ITGBL1: variants seen among roughly 807,000 people sequenced by gnomAD.
ITGBL1 encodes integrin subunit beta like 1.
In ITGBL1, 51 loss-of-function variants were observed where a neutral mutation model predicts 68.5. That is an observed-to-expected ratio of 0.74 (90% CI 0.59 to 0.94). The LOEUF is 0.94. Ranked by LOEUF, ITGBL1 falls within the 40% of genes least tolerant of loss-of-function variation. The probability of loss-of-function intolerance (pLI) is 0.00; values close to 1 mark genes in which losing one functional copy is unlikely to be tolerated. For synonymous variants in ITGBL1, 209 were observed against 227.3 expected (o/e 0.92, Z 0.72); for missense variants, 649 against 647.4 (o/e 1.00, Z -0.03).
intron 6 of ITGBL1, among the ~76,000 whole-genome samples, chr13:101,586,879 A>G (rs1327610952): frequency 3.9e-5 from 6 of 152,138 alleles, no homozygotes; most frequent in African/African-American, 1.4e-4. Context: ...AATTTTTCCT[A>G]ATTAACAGTC....
Position 101,644,004 on chromosome 13 carries a change from G to T in ITGBL1, c.1015+45705G>T, listed in dbSNP as rs189866248. ...CTTAGAGCCAACATCCAGATTTCTG[G>T]AAACTCTTTGAAAAGTGGAAGATCC... On this transcript the variant is annotated intron_variant, in intron 7 of 10. Coordinates refer to ENST00000376180, the MANE Select transcript of ITGBL1 (RefSeq NM_004791.3). Among the ~76,000 whole-genome samples the T allele has an allele frequency of 2.8e-3, 419 of 152,208 alleles. 1 individual carries two copies. Among genetic ancestry groups the T allele is most frequent in the Non-Finnish European group, 3.7e-3 (250 of 68,006 alleles).
chr13:101,589,983 G>A (rs1250799017), intron 6 of ITGBL1, among the ~76,000 whole-genome samples: 1 of 152,168 alleles, frequency 6.6e-6, no homozygotes, highest in Non-Finnish European at 1.5e-5. Flanking sequence ...ATAGAATTAT[G>A]TTAGGGGAAA....
At chr13:101,641,971 A>G (rs910088287) in intron 7 of ITGBL1, among the ~76,000 whole-genome samples, 18 of 152,076 alleles carry the variant, frequency 1.2e-4, no homozygotes, top group Non-Finnish European at 2.2e-4. Context: ...ATTGTTGGAC[A>G]TTTGGGTTGG....
At chr13:101,534,565 G>A (rs533302373) in intron 2 of ITGBL1, among the ~76,000 whole-genome samples, 1 of 152,132 alleles carries the variant, frequency 6.6e-6, no homozygotes, top group South Asian at 2.1e-4. Context: ...CAGTGCAGAG[G>A]TTGGACAGTC....
intron 2 of ITGBL1, among the ~76,000 whole-genome samples, chr13:101,473,346 G>T (rs1346784958): frequency 1.3e-5 from 2 of 152,202 alleles, no homozygotes; most frequent in African/African-American, 4.8e-5. Context: ...CTGTGCTGTT[G>T]AGGGAGAGGG....
At chr13:101,587,761 A>G (rs1483779261) in intron 6 of ITGBL1, among the ~76,000 whole-genome samples, 1 of 152,244 alleles carries the variant, frequency 6.6e-6, no homozygotes, top group Non-Finnish European at 1.5e-5. Context: ...TTGTCAAAGC[A>G]TTAAGAAAGA....
chr13:101,662,362 C>A (rs950564653), intron 7 of ITGBL1, among the ~76,000 whole-genome samples: 1 of 152,106 alleles, frequency 6.6e-6, no homozygotes, highest in African/African-American at 2.4e-5. Context: ...ATGAGTGAGA[C>A]ATAAGCACAG....
chr13:101,494,313 GT>G, intron 2 of ITGBL1, among the ~76,000 whole-genome samples: 1 of 152,306 alleles, frequency 6.6e-6, no homozygotes, highest in Non-Finnish European at 1.5e-5. Flanking sequence ...CAGCACTGAA[GT>G]TTTGGTGACC....
intron 6 of ITGBL1, among the ~76,000 whole-genome samples, chr13:101,590,745 C>T (rs1326706925): frequency 2.0e-5 from 3 of 152,138 alleles, no homozygotes; most frequent in Non-Finnish European, 2.9e-5. Flanking sequence ...AATTTCAAAG[C>T]CATTGGCTCC....
intron 3 of ITGBL1, among the ~76,000 whole-genome samples, chr13:101,571,737 A>C (rs773701984): frequency 6.6e-6 from 1 of 152,030 alleles, no homozygotes; most frequent in Non-Finnish European, 1.5e-5. Flanking sequence ...TTCCTGTGCA[A>C]ATGGTTGTGC....
At chr13:101,553,214 T>C (rs1482057687) in intron 2 of ITGBL1, among the ~76,000 whole-genome samples, 1 of 152,186 alleles carries the variant, frequency 6.6e-6, no homozygotes, top group Non-Finnish European at 1.5e-5. Context: ...CTACTGCCTT[T>C]AGACACATGT....
At chr13:101,673,505 T>G (rs2033427274) in intron 7 of ITGBL1, among the ~76,000 whole-genome samples, 1 of 152,160 alleles carries the variant, frequency 6.6e-6, no homozygotes, top group Admixed American at 6.5e-5. Flanking sequence ...ATAAACCCCT[T>G]TGGGCAAGTT....
chr13:101,663,882 A>G (rs949946281), intron 7 of ITGBL1, among the ~76,000 whole-genome samples: 5 of 152,190 alleles, frequency 3.3e-5, no homozygotes, highest in Admixed American at 6.5e-5. Context: ...CTTGAACTAC[A>G]TTAATGTTCA....
Position 101,666,091 on chromosome 13 carries a change from C to A in ITGBL1, c.1016-26494C>A, listed in dbSNP as rs2033209693. Reference sequence around the variant, plus strand: ...TGCTATGTTATTCCATGCTGTACTGCCCACTGCCAGATAAACTTATTATCT... The same window carrying A: ...TGCTATGTTATTCCATGCTGTACTGACCACTGCCAGATAAACTTATTATCT... On this transcript the variant is annotated intron_variant, in intron 7 of 10. Coordinates refer to ENST00000376180, the MANE Select transcript of ITGBL1 (RefSeq NM_004791.3). Among the ~76,000 whole-genome samples, 2 of 152,108 alleles carry A rather than the reference C, an allele frequency of 1.3e-5. 1 individual carries two copies. Among genetic ancestry groups the A allele is most frequent in the South Asian group, 4.1e-4 (2 of 4,826 alleles).
At chr13:101,620,507 C>T (rs998453310) in intron 7 of ITGBL1, among the ~76,000 whole-genome samples, 20 of 152,100 alleles carry the variant, frequency 1.3e-4, no homozygotes, top group African/African-American at 4.3e-4. Context: ...TTTGATCTCT[C>T]GTCTTAAATT....
chr13:101,626,756 A>G (rs2031792649), intron 7 of ITGBL1, among the ~76,000 whole-genome samples: 1 of 152,226 alleles, frequency 6.6e-6, no homozygotes, highest in Non-Finnish European at 1.5e-5. Context: ...TAATGTGCCA[A>G]TTCTCAGACA....
At chr13:101,661,168 A>C (rs2033079095) in intron 7 of ITGBL1, among the ~76,000 whole-genome samples, 1 of 151,930 alleles carries the variant, frequency 6.6e-6, no homozygotes, top group Admixed American at 6.6e-5. Flanking sequence ...GACAATATCC[A>C]GTCTAAAGTA....
In ITGBL1 at chr13:101,605,701, C is replaced by T. The variant is rs115217951; in HGVS notation, c.1015+7402C>T. ...GTTTATGCGTATACACGTATGTAGA[C>T]TTATGTATGTGCGTATATGCGTGTA... is the stretch of plus-strand genomic sequence containing the variant. On this transcript the variant is annotated intron_variant, in intron 7 of 10. Coordinates refer to ENST00000376180, the MANE Select transcript of ITGBL1 (RefSeq NM_004791.3). Among the ~76,000 whole-genome samples the T allele has an allele frequency of 5.6e-3, 848 of 150,924 alleles. 11 individuals carry two copies. Among genetic ancestry groups the T allele is most frequent in the African/African-American group, 0.019 (798 of 41,108 alleles).
intron 7 of ITGBL1, among the ~76,000 whole-genome samples, chr13:101,609,149 T>C (rs1468733663): frequency 6.6e-6 from 1 of 152,118 alleles, no homozygotes; most frequent in African/African-American, 2.4e-5. Context: ...TCATTTGCTT[T>C]CTTTATACTC....
Sources: allele counts gnomAD v4.1 joint callset (sites outside exome capture counted in the v4.1 genomes callset), GRCh38; gene constraint gnomAD v4.1.1; transcripts MANE v1.5; gene names NCBI Gene and HGNC (gene_info 2026-07-23, HGNC 2026-07-21).